Variants in PLGRKT observed in about 807,000 individuals in gnomAD.
The protein encoded by PLGRKT is plasminogen receptor with a C-terminal lysine.
In PLGRKT, 22 loss-of-function variants were observed where a neutral mutation model predicts 18.5. That is an observed-to-expected ratio of 1.19 (90% CI 0.85 to 1.70). The LOEUF is 1.70. Ranked by LOEUF, PLGRKT falls within the 40% of genes most tolerant of loss-of-function variation. PLGRKT has a pLI of 0.00. For missense variants in PLGRKT, 235 were observed against 174.4 expected, an observed-to-expected ratio of 1.35 and a Z score of -1.96; for synonymous variants, 72 against 52.8, an observed-to-expected ratio of 1.36 and a Z score of -1.58.
intron 3 of PLGRKT, among the ~76,000 whole-genome samples, chr9:5,391,007 C>T (rs1027820074): frequency 2.0e-5 from 3 of 151,970 alleles, no homozygotes; most frequent in Non-Finnish European, 4.4e-5. Flanking sequence ...GGTCTCTCCA[C>T]CCTAAATATC....
At chr9:5,413,856 A>AT (rs564595438) in intron 3 of PLGRKT, among the ~76,000 whole-genome samples, 20 of 152,322 alleles carry the variant, frequency 1.3e-4, no homozygotes, top group African/African-American at 4.3e-4. Flanking sequence ...CTATGCAACC[A>AT]TTTTTTTAAA....
chr9:5,395,812 A>C (rs199619230), intron 3 of PLGRKT, among the ~76,000 whole-genome samples: 1 of 66,142 alleles, frequency 1.5e-5, no homozygotes, highest in Non-Finnish European at 2.6e-5. Context: ...AAACATTGAC[A>C]AAAAAAAAGG....
intron 3 of PLGRKT, among the ~76,000 whole-genome samples, chr9:5,398,475 G>A (rs116745852): frequency 2.9e-4 from 44 of 152,078 alleles, no homozygotes; most frequent in Non-Finnish European, 3.4e-4. Flanking sequence ...AACAAGCTGT[G>A]ATCTTCCTTT....
Position 5,433,073 on chromosome 9 carries a change from C to T in PLGRKT, c.-6-1090G>A, listed in dbSNP as rs75831339. On this transcript the variant is annotated intron_variant, in intron 2 of 5. Coordinates refer to ENST00000223864, the MANE Select transcript of PLGRKT (RefSeq NM_018465.4). The stretch of plus-strand genomic sequence containing the variant: ...GAGGAGGGCCTCTGCCCGGCCGCCC[C>T]GTCTGGGAGGAAGTGAGGAGCGCCT... Among the ~76,000 whole-genome samples the T allele has an allele frequency of 8.8e-3, 1,324 of 150,054 alleles. 19 individuals carry two copies. Among genetic ancestry groups the T allele is most frequent in the African/African-American group, 0.031 (1,253 of 40,650 alleles).
At chr9:5,394,925 T>A (rs1300062165) in intron 3 of PLGRKT, among the ~76,000 whole-genome samples, 1 of 151,644 alleles carries the variant, frequency 6.6e-6, no homozygotes, top group Non-Finnish European at 1.5e-5. Context: ...GGGAAGGCAA[T>A]GAGGGTGAGG....
chr9:5,363,572 G>A (rs374292680), intron 3 of PLGRKT, among the ~76,000 whole-genome samples: 1 of 152,206 alleles, frequency 6.6e-6, no homozygotes, highest in African/African-American at 2.4e-5. Context: ...TCTCTGTGAG[G>A]TCTGCTCTGA....
At chr9:5,391,630 A>C (rs1483367751) in intron 3 of PLGRKT, among the ~76,000 whole-genome samples, 1 of 151,906 alleles carries the variant, frequency 6.6e-6, no homozygotes, top group Non-Finnish European at 1.5e-5. Flanking sequence ...CTCCAGAGTA[A>C]AAGGCAGAGT....
chr9:5,372,766 C>T (rs1054179732), intron 3 of PLGRKT, among the ~76,000 whole-genome samples: 5 of 152,072 alleles, frequency 3.3e-5, no homozygotes, highest in Non-Finnish European at 7.4e-5. Context: ...AACCCAGGTG[C>T]GAGGGAGTCT....
rs185435620 is a variant in PLGRKT, at chr9:5,381,631, G to A, written c.82-19743C>T. The stretch of plus-strand genomic sequence containing the variant: ...GGGATGTATTATTCCTTTTTCACAC[G>A]GCTATAAATAACTACCTGAGACTGT... On this transcript the variant is annotated intron_variant, in intron 3 of 5. Coordinates refer to ENST00000223864, the MANE Select transcript of PLGRKT (RefSeq NM_018465.4). Among the ~76,000 whole-genome samples, 5 of 152,136 alleles carry A rather than the reference G, an allele frequency of 3.3e-5. No homozygotes were observed. The South Asian group carries it at 6.2e-4, about 19-fold the overall frequency.
At position 5,432,622 on chromosome 9, in the gene PLGRKT, C is replaced by A. The variant is rs553114962; in HGVS notation, c.-6-639G>T. 4.7e-4 allele frequency among the ~76,000 whole-genome samples: 71 copies of A among 152,154 alleles called. No homozygotes were observed. In the South Asian group the frequency reaches 0.014, roughly 30 times the overall value. Reference sequence around the variant, plus strand: ...CGGTGATTCTCCTGTCTCGGCCTGCCGAGTGCCAGGGATTCCAGGCACGCG... The same window carrying A: ...CGGTGATTCTCCTGTCTCGGCCTGCAGAGTGCCAGGGATTCCAGGCACGCG... On this transcript the variant is annotated intron_variant, in intron 2 of 5. Coordinates refer to ENST00000223864, the MANE Select transcript of PLGRKT (RefSeq NM_018465.4).
intron 3 of PLGRKT, among the ~76,000 whole-genome samples, chr9:5,419,181 ACC>A (rs752931514): frequency 1.3e-5 from 2 of 152,118 alleles, no homozygotes; most frequent in Non-Finnish European, 2.9e-5. Flanking sequence ...CTTTCAAAAC[ACC>A]CAGGAATACA....
chr9:5,413,733 T>A (rs56253135), intron 3 of PLGRKT, among the ~76,000 whole-genome samples: 2,749 of 152,288 alleles, frequency 0.018, 43 homozygotes, highest in Non-Finnish European at 0.03. Context: ...AGATAAACAA[T>A]TTTATGTTGT....
chr9:5,417,556 G>A lies in PLGRKT; in HGVS notation c.81+14341C>T, dbSNP rs575727213. Among the ~76,000 whole-genome samples the A allele has an allele frequency of 3.2e-3, 462 of 146,618 alleles. 2 individuals are homozygous for A. The highest frequency in any genetic ancestry group is 0.011 in the African/African-American group (423 of 39,614). ...AAAATTGAAAATGTGTGTGTCAAGG[G>A]ACACTGTCAAGAGAAAAAAAAAAAC... On this transcript the variant is annotated intron_variant, in intron 3 of 5. Transcript: ENST00000223864.
intron 3 of PLGRKT, among the ~76,000 whole-genome samples, chr9:5,399,775 A>C (rs1232939691): frequency 6.6e-6 from 1 of 151,700 alleles, no homozygotes; most frequent in Non-Finnish European, 1.5e-5. Flanking sequence ...GATTCACTGG[A>C]AGTCAGGAGT....
At chr9:5,416,986 G>A (rs1563786833) in intron 3 of PLGRKT, among the ~76,000 whole-genome samples, 1 of 152,190 alleles carries the variant, frequency 6.6e-6, no homozygotes. Flanking sequence ...TACATTTTAA[G>A]AGACTTGGTG....
intron 3 of PLGRKT, among the ~76,000 whole-genome samples, chr9:5,412,286 A>G (rs1253033838): frequency 6.6e-6 from 1 of 152,230 alleles, no homozygotes; most frequent in Admixed American, 6.5e-5. Flanking sequence ...CTCATATCAT[A>G]TATGAGAATA....
At chr9:5,437,114 G>A (rs1372085891) in intron 1 of PLGRKT, among the ~76,000 whole-genome samples, 1 of 152,100 alleles carries the variant, frequency 6.6e-6, no homozygotes, top group East Asian at 1.9e-4. Flanking sequence ...GGTCTTTAAT[G>A]CTTCAGCCCT....
At chr9:5,363,525 C>T (rs1279851615) in intron 3 of PLGRKT, among the ~76,000 whole-genome samples, 1 of 152,122 alleles carries the variant, frequency 6.6e-6, no homozygotes, top group Non-Finnish European at 1.5e-5. Context: ...ACCCCTTGGC[C>T]GCTGAGGGAG....
At chr9:5,438,026 G>A (rs1818997108), upstream of PLGRKT, 2 of 152,256 alleles carry the variant, frequency 1.3e-5, no homozygotes, top group Non-Finnish European at 2.9e-5. Flanking sequence ...AGAGGTGGGA[G>A]GGGAAGGTCA....
Sources: allele counts gnomAD v4.1 joint callset (sites outside exome capture counted in the v4.1 genomes callset), GRCh38; gene constraint gnomAD v4.1.1; transcripts MANE v1.5; gene names NCBI Gene and HGNC (gene_info 2026-07-23, HGNC 2026-07-21).